Variants in IQGAP2 observed in about 807,000 individuals in gnomAD.
IQGAP2 encodes ras GTPase-activating-like protein IQGAP2.
IQGAP2 carries 173 observed loss-of-function variants against 201.3 expected under a neutral mutation model. The ratio of observed to expected loss-of-function variants is 0.86; its 90% CI spans 0.76 to 0.98. The LOEUF is 0.98. IQGAP2 is among the 50% of genes least tolerant of loss of function. IQGAP2 has a pLI of 0.00. For missense variants in IQGAP2, 1,687 were observed against 1,864.8 expected (o/e 0.90, Z 1.76); for synonymous variants, 675 against 673.9 (o/e 1.00, Z -0.03).
chr5:76,672,393 T>C (rs1368632280), intron 24 of IQGAP2, among the ~76,000 whole-genome samples: 1 of 152,196 alleles, frequency 6.6e-6, no homozygotes, highest in Non-Finnish European at 1.5e-5. Context: ...TAAGCAACCC[T>C]AGCTTCTTGT....
intron 21 of IQGAP2, among the ~76,000 whole-genome samples, chr5:76,664,423 G>C (rs913975786): frequency 6.6e-6 from 1 of 152,190 alleles, no homozygotes; most frequent in Non-Finnish European, 1.5e-5. Flanking sequence ...GGTGGCTTAC[G>C]CCTGTAATCC....
At chr5:76,562,657 G>A (rs1744466373) in intron 3 of IQGAP2, 105 bp downstream of exon 3, 2 of 1,053,468 alleles carry the variant, frequency 1.9e-6, no homozygotes, top group Non-Finnish European at 1.4e-6. Flanking sequence ...GGATTTGGGG[G>A]GCTGGGGGAT....
intron 2 of IQGAP2, among the ~76,000 whole-genome samples, chr5:76,520,868 C>G (rs113568003): frequency 6.6e-6 from 1 of 151,956 alleles, no homozygotes; most frequent in South Asian, 2.1e-4. Flanking sequence ...CCACCATGCC[C>G]GGCTAATTTT....
Position 76,573,721 on chromosome 5 carries a change from C to T in IQGAP2, c.382-1972C>T, listed in dbSNP as rs547653986. Among the ~76,000 whole-genome samples the T allele has an allele frequency of 9.2e-5, 14 of 152,210 alleles. No individual in the cohort carries two copies. In the South Asian group the frequency reaches 2.1e-3, roughly 23 times the overall value. ...TCGCCTCCTGGGTTCAAGTGATTCT[C>T]CTGCCTCAGCCACCCAAGTAGCTGG... On this transcript the variant is annotated intron_variant, in intron 4 of 35. Coordinates refer to ENST00000274364, the MANE Select transcript of IQGAP2 (RefSeq NM_006633.5).
At chr5:76,465,112 C>A (rs1204161191) in intron 2 of IQGAP2, among the ~76,000 whole-genome samples, 1 of 152,170 alleles carries the variant, frequency 6.6e-6, no homozygotes, top group African/African-American at 2.4e-5. Context: ...AGATAGCCAT[C>A]TCAAGAAAAC....
chr5:76,492,510 G>T (rs998092149), intron 2 of IQGAP2, among the ~76,000 whole-genome samples: 1 of 152,222 alleles, frequency 6.6e-6, no homozygotes, highest in African/African-American at 2.4e-5. Flanking sequence ...TGGGCAAAAG[G>T]TTGGAGCAGA....
At chr5:76,480,423 GTCTACCTGGT>G (rs1441752018) in intron 2 of IQGAP2, among the ~76,000 whole-genome samples, 2 of 152,002 alleles carry the variant, frequency 1.3e-5, no homozygotes, top group Non-Finnish European at 2.9e-5. Context: ...TCCTTTTAAA[GTCTACCTGGT>G]CTTCATAGAT....
chr5:76,594,255 T>G (rs1426341802), intron 9 of IQGAP2, among the ~76,000 whole-genome samples: 1 of 152,252 alleles, frequency 6.6e-6, no homozygotes, highest in Non-Finnish European at 1.5e-5. Context: ...GTGAGACATC[T>G]GAGGTCCATA....
Position 76,708,123 on chromosome 5 carries a change from AT to A in IQGAP2, c.*812del, listed in dbSNP as rs1748062823. ...TTTTATGTAAAATAAATGTTACTTAATTCCATTAATTTGGCTTTTAAGTTGT... is the reference window on the plus strand; with the variant it reads ...TTTTATGTAAAATAAATGTTACTTAATCCATTAATTTGGCTTTTAAGTTGT... On this transcript the variant is annotated 3_prime_UTR_variant, in exon 36 of 36. Coordinates refer to ENST00000274364, the MANE Select transcript of IQGAP2 (RefSeq NM_006633.5). The A allele has an allele frequency of 2.0e-5, 3 of 149,300 alleles. No homozygotes were observed. In the South Asian group the frequency reaches 6.4e-4, roughly 32 times the overall value. 9.2% of individuals were successfully genotyped at this position (149,300 alleles called of 1,614,324 possible).
At chr5:76,456,495 CT>C (rs1754091435) in intron 1 of IQGAP2, among the ~76,000 whole-genome samples, 11 of 152,300 alleles carry the variant, frequency 7.2e-5, no homozygotes, top group African/African-American at 2.6e-4. Context: ...AAATCTTGGA[CT>C]TTAGGTTCTC....
At chr5:76,494,838 C>T (rs538903151) in intron 2 of IQGAP2, among the ~76,000 whole-genome samples, 23 of 152,260 alleles carry the variant, frequency 1.5e-4, no homozygotes, top group African/African-American at 5.5e-4. Context: ...GAACAGAGAA[C>T]GTCGACATGT....
chr5:76,609,851 G>A (rs931604974), intron 12 of IQGAP2, among the ~76,000 whole-genome samples: 8 of 150,820 alleles, frequency 5.3e-5, no homozygotes, highest in Non-Finnish European at 7.4e-5. Context: ...ATGTGTGTGT[G>A]TGTGTGTGTG....
In IQGAP2 at chr5:76,609,016, A is replaced by G; in HGVS notation, c.1358-2004A>G. 2.2e-6 allele frequency: 3 copies of G among 1,334,274 alleles called. No homozygotes were observed. In the South Asian group the frequency reaches 4.0e-5, roughly 18 times the overall value. 82.7% of individuals were successfully genotyped at this position (1,334,274 alleles called of 1,614,324 possible). A position where few individuals can be genotyped will look rare whatever the true frequency, so the allele number is the denominator to read the frequency against. On this transcript the variant is annotated intron_variant, in intron 12 of 35. Coordinates refer to ENST00000274364, the MANE Select transcript of IQGAP2 (RefSeq NM_006633.5). ...AATAGGATTTCCCTTTTATTTATAA[A>G]CAGAGGAAGTGATGCATATGTTCCC...
intron 2 of IQGAP2, among the ~76,000 whole-genome samples, chr5:76,516,673 G>A (rs1451726783): frequency 6.6e-6 from 1 of 152,176 alleles, no homozygotes; most frequent in Non-Finnish European, 1.5e-5. Flanking sequence ...AAGAATTCTA[G>A]TGCTTTAACT....
intron 1 of IQGAP2, among the ~76,000 whole-genome samples, chr5:76,453,395 C>G (rs1244148092): frequency 1.3e-5 from 2 of 152,050 alleles, no homozygotes; most frequent in East Asian, 3.9e-4. Context: ...AGAAAAAAAA[C>G]CCACTTGTAA....
intron 2 of IQGAP2, among the ~76,000 whole-genome samples, chr5:76,540,047 A>G (rs1055915583): frequency 2.6e-5 from 4 of 152,086 alleles, no homozygotes; most frequent in Non-Finnish European, 5.9e-5. Context: ...ACATCATTTT[A>G]ATTAGCTGCA....
At chr5:76,470,782 T>C (rs1456712684) in intron 2 of IQGAP2, among the ~76,000 whole-genome samples, 3 of 152,158 alleles carry the variant, frequency 2.0e-5, no homozygotes, top group Non-Finnish European at 4.4e-5. Context: ...TTTAAAATAA[T>C]ACTAAATGGA....
chr5:76,573,129 TA>T (rs1439982209), intron 4 of IQGAP2, among the ~76,000 whole-genome samples: 1 of 152,226 alleles, frequency 6.6e-6, no homozygotes, highest in Non-Finnish European at 1.5e-5. Flanking sequence ...AACCGATTAA[TA>T]AAAAACGAAT....
intron 2 of IQGAP2, among the ~76,000 whole-genome samples, chr5:76,520,113 T>C (rs967658349): frequency 1.3e-5 from 2 of 152,148 alleles, no homozygotes; most frequent in Non-Finnish European, 2.9e-5. Flanking sequence ...CTTTGCCTAA[T>C]CCAAAGCCAC....
Sources: allele counts gnomAD v4.1 joint callset (sites outside exome capture counted in the v4.1 genomes callset), GRCh38; gene constraint gnomAD v4.1.1; transcripts MANE v1.5; gene names NCBI Gene and HGNC (gene_info 2026-07-23, HGNC 2026-07-21).